The following ARHGAP20 variants were observed in gnomAD, a reference collection of about 807,000 sequenced individuals.
ARHGAP20 encodes the protein Rho GTPase activating protein 20.
ARHGAP20 carries 34 observed loss-of-function variants against 73.7 expected under a neutral mutation model. That is an observed-to-expected ratio of 0.46 (90% confidence interval 0.35 to 0.61). ARHGAP20 has a LOEUF of 0.61. Among genes scored for constraint, ARHGAP20 ranks in the 20% least tolerant of loss-of-function variants. ARHGAP20 has a pLI of 0.00. For missense variants in ARHGAP20, 1,314 were observed against 1,420.9 expected (o/e 0.92, Z 1.21); for synonymous variants, 523 against 518.2 (o/e 1.01, Z -0.13).
intron 1 of ARHGAP20, among the ~76,000 whole-genome samples, chr11:110,703,164 C>G (rs1950489956): frequency 6.6e-6 from 1 of 152,058 alleles, no homozygotes; most frequent in Admixed American, 6.6e-5. Flanking sequence ...TAAATCATCC[C>G]AACCAGGACC....
At position 110,590,507 on chromosome 11, in the gene ARHGAP20, A is replaced by C. The variant is rs1383159971; in HGVS notation, c.1305+141T>G. On this transcript the variant is annotated intron_variant, in intron 11 of 14. Coordinates refer to ENST00000683387, the MANE Select transcript of ARHGAP20 (RefSeq NM_001384657.1). ...GTTGACTTTGTGAAATGTTTTTATA[A>C]CACTTTTTAGTGTTAAAAATTATGT... The C allele has an allele frequency of 3.4e-6, 3 of 877,350 alleles. No individual in the cohort carries two copies. The African/African-American group carries it at 5.2e-5, about 15-fold the overall frequency. The allele number at this position is 877,350 out of a possible 1,614,324, so 54.3% of individuals were successfully genotyped here.
chr11:110,701,412 T>C (rs1275024558), intron 1 of ARHGAP20, among the ~76,000 whole-genome samples: 1 of 152,112 alleles, frequency 6.6e-6, no homozygotes, highest in Non-Finnish European at 1.5e-5. Context: ...TCATGTCCTT[T>C]GCCCACTTTC....
intron 2 of ARHGAP20, among the ~76,000 whole-genome samples, chr11:110,654,805 G>A (rs1283291481): frequency 2.0e-5 from 3 of 152,214 alleles, no homozygotes; most frequent in Non-Finnish European, 4.4e-5. Context: ...CCTGGAAAGA[G>A]AGGTTACAGG....
intron 1 of ARHGAP20, among the ~76,000 whole-genome samples, chr11:110,709,756 T>C (rs932981168): frequency 6.6e-6 from 1 of 152,110 alleles, no homozygotes; most frequent in East Asian, 1.9e-4. Flanking sequence ...GTGGCAGAAG[T>C]AGACAGGGCC....
intron 1 of ARHGAP20, chr11:110,691,067 GA>G: frequency 1.5e-6 from 2 of 1,353,646 alleles, no homozygotes; most frequent in South Asian, 2.9e-5. Context: ...TAAAGGAGAG[GA>G]AAAAACAGTT....
chr11:110,579,224 G>A lies in ARHGAP20; in HGVS notation c.*146C>T, dbSNP rs1947367000. 1 of 1,353,798 alleles carries A rather than the reference G, an allele frequency of 7.4e-7. No homozygotes were observed. Among genetic ancestry groups the A allele is most frequent in the African/African-American group, 1.4e-5 (1 of 69,392 alleles). 83.9% of individuals were successfully genotyped at this position (1,353,798 alleles called of 1,614,324 possible). A position where few individuals can be genotyped will look rare whatever the true frequency, so the allele number is the denominator to read the frequency against. On this transcript the variant is annotated 3_prime_UTR_variant, in exon 15 of 15. Coordinates refer to ENST00000683387, the MANE Select transcript of ARHGAP20 (RefSeq NM_001384657.1). ...GTATTTGTCAAGTAGTCTCAATAAA[G>A]AGAATTATTTCGTTGTCCTAAGTAT...
intron 2 of ARHGAP20, among the ~76,000 whole-genome samples, chr11:110,689,130 C>G (rs546359122): frequency 6.6e-6 from 1 of 151,874 alleles, no homozygotes; most frequent in Non-Finnish European, 1.5e-5. Flanking sequence ...TCTAGAGTAG[C>G]TGGGACTACA....
Position 110,577,804 on chromosome 11 carries a change from A to C in ARHGAP20, c.*1566T>G. 1 of 985,824 alleles carries C rather than the reference A, an allele frequency of 1.0e-6. No individual in the cohort carries two copies. The highest frequency in any genetic ancestry group is 1.2e-6 in the Non-Finnish European group (1 of 829,876). 61.1% of individuals were successfully genotyped at this position (985,824 alleles called of 1,614,324 possible). A position where few individuals can be genotyped will look rare whatever the true frequency, so the allele number is the denominator to read the frequency against. On this transcript the variant is annotated 3_prime_UTR_variant, in exon 15 of 15. Transcript: ENST00000683387. ...AAGAGGTAGGTAGCACCTATAGCTA[A>C]TACTGAAATAACTTCTTCTATCTTA... is the stretch of plus-strand genomic sequence containing the variant.
intron 2 of ARHGAP20, among the ~76,000 whole-genome samples, chr11:110,666,550 A>G (rs1949728174): frequency 6.6e-6 from 1 of 152,174 alleles, no homozygotes; most frequent in South Asian, 2.1e-4. Flanking sequence ...GATTGTAAAC[A>G]TACCTTGTTT....
At chr11:110,623,501 G>C (rs1948672431) in intron 4 of ARHGAP20, among the ~76,000 whole-genome samples, 1 of 152,128 alleles carries the variant, frequency 6.6e-6, no homozygotes, top group Non-Finnish European at 1.5e-5. Context: ...GGGAAACTCT[G>C]ACTCCTTAAA....
At chr11:110,629,358 C>T (rs565092716) in intron 3 of ARHGAP20, among the ~76,000 whole-genome samples, 14 of 152,220 alleles carry the variant, frequency 9.2e-5, no homozygotes, top group African/African-American at 2.6e-4. Flanking sequence ...GATAATTAAA[C>T]GAAATCTTTG....
chr11:110,600,873 T>C (rs537390947), intron 9 of ARHGAP20, among the ~76,000 whole-genome samples: 1 of 152,326 alleles, frequency 6.6e-6, no homozygotes, highest in Admixed American at 6.5e-5. Flanking sequence ...CTGAAAGATG[T>C]ATTGCTGTTA....
chr11:110,611,204 G>T, intron 7 of ARHGAP20, 105 bp downstream of exon 7: 4 of 631,578 alleles, frequency 6.3e-6, no homozygotes, highest in South Asian at 2.6e-5. Context: ...ATATGACTTT[G>T]GTATCTCTAA....
chr11:110,622,460 T>A (rs576968924), intron 4 of ARHGAP20, among the ~76,000 whole-genome samples: 1 of 152,356 alleles, frequency 6.6e-6, no homozygotes, highest in African/African-American at 2.4e-5. Context: ...TCTTTTACAT[T>A]ATCATGGTCC....
rs779262652 is a variant in ARHGAP20, at chr11:110,580,025, G to A, written c.2921C>T (p.Pro974Leu). 6.2e-7 allele frequency: 1 copy of A among 1,614,210 alleles called. No homozygotes were observed. The highest frequency in any genetic ancestry group is 1.1e-5 in the South Asian group (1 of 91,086). ...SVFTPTETSSPIDCTFQAQRK... is the reference protein window; with the variant it reads ...SVFTPTETSSLIDCTFQAQRK... ...CTGAGCCTGAAAAGTGCAATCTATTGGAGAGGAAGTCTCAGTGGGTGTAAA... is the reference window on the plus strand; with the variant it reads ...CTGAGCCTGAAAAGTGCAATCTATTAGAGAGGAAGTCTCAGTGGGTGTAAA... Residue 974 changes from proline (P) to leucine (L), a missense_variant, in exon 15 of 15, where the codon CCA becomes CTA. By Grantham distance (98) the Pro-to-Leu change is moderately conservative. Coordinates refer to ENST00000683387, the MANE Select transcript of ARHGAP20 (RefSeq NM_001384657.1).
At chr11:110,603,637 C>T (rs1403041341) in intron 9 of ARHGAP20, among the ~76,000 whole-genome samples, 5 of 152,096 alleles carry the variant, frequency 3.3e-5, no homozygotes, top group Admixed American at 6.5e-5. Context: ...AGAGCAAAGG[C>T]GATTTCCATA....
intron 9 of ARHGAP20, among the ~76,000 whole-genome samples, chr11:110,593,353 TTA>T (rs1186381159): frequency 1.3e-5 from 2 of 152,178 alleles, no homozygotes; most frequent in Admixed American, 6.5e-5. Flanking sequence ...AAAAATCTCT[TTA>T]AGGTTACACT....
Position 110,648,204 on chromosome 11 carries a change from TA to T in ARHGAP20, c.189-17413del, listed in dbSNP as rs550096638. Among the ~76,000 whole-genome samples, 73 of 77,896 alleles carry T rather than the reference TA, an allele frequency of 9.4e-4. 1 individual carries two copies. The highest frequency in any genetic ancestry group is 7.2e-3 in the East Asian group (19 of 2,654). 51.1% of individuals were successfully genotyped at this position (77,896 alleles called of 152,430 possible). ...ATATATATATGTAAATATATATATATATGTAAATATATATATGTATATATAT... is the reference window on the plus strand; with the variant it reads ...ATATATATATGTAAATATATATATATTGTAAATATATATATGTATATATAT... On this transcript the variant is annotated intron_variant, in intron 2 of 14. Coordinates refer to ENST00000683387, the MANE Select transcript of ARHGAP20 (RefSeq NM_001384657.1).
At chr11:110,678,581 T>C (rs1949978551) in intron 2 of ARHGAP20, among the ~76,000 whole-genome samples, 1 of 152,206 alleles carries the variant, frequency 6.6e-6, no homozygotes, top group African/African-American at 2.4e-5. Context: ...AACTTGAAGA[T>C]TACTCTATTG....
Sources: allele counts gnomAD v4.1 joint callset (sites outside exome capture counted in the v4.1 genomes callset), GRCh38; gene constraint gnomAD v4.1.1; transcripts MANE v1.5; gene names NCBI Gene and HGNC (gene_info 2026-07-23, HGNC 2026-07-21).